ZNF284: variants seen among roughly 807,000 people sequenced by gnomAD.
ZNF284 encodes the protein zinc finger protein 284.
In ZNF284, 12 loss-of-function variants were observed where a neutral mutation model predicts 12.9. The observed-to-expected ratio is 0.93, with a 90% CI of 0.60 to 1.51. The LOEUF (loss-of-function observed/expected upper bound fraction) is 1.51, where lower values mean the gene tolerates loss of function less well. Ranked by LOEUF, ZNF284 falls within the 40% of genes most tolerant of loss-of-function variation. The pLI is 0.00. For synonymous variants in ZNF284, 225 were observed against 236.5 expected (o/e 0.95, Z 0.45); for missense variants, 667 against 707.3 (o/e 0.94, Z 0.65).
At position 44,087,745 on chromosome 19, in the gene ZNF284, C is replaced by T. The variant is rs908860866; in HGVS notation, c.*485C>T. On this transcript the variant is annotated 3_prime_UTR_variant, in exon 5 of 5. Transcript: ENST00000421176. ...TAGCAGGGATTACAGGCACGCACCA[C>T]CACGCCCAGCTAATTTTTGTACTTT... 6 of 149,392 alleles carry T rather than the reference C, an allele frequency of 4.0e-5. No homozygotes were observed. Among genetic ancestry groups the T allele is most frequent in the African/African-American group, 1.5e-4 (6 of 40,242 alleles). The allele number at this position is 149,392 out of a possible 1,614,324, so 9.3% of individuals were successfully genotyped here. A position where few individuals can be genotyped will look rare whatever the true frequency, so the allele number is the denominator to read the frequency against.
intron 2 of ZNF284, among the ~76,000 whole-genome samples, chr19:44,079,936 A>G (rs1011091105): frequency 6.6e-6 from 1 of 152,126 alleles, no homozygotes; most frequent in Non-Finnish European, 1.5e-5. Flanking sequence ...CTCAAAAAAA[A>G]GACAAAAAGG....
intron 1 of ZNF284, among the ~76,000 whole-genome samples, chr19:44,074,253 T>G (rs1966994531): frequency 6.6e-6 from 1 of 151,996 alleles, no homozygotes; most frequent in Non-Finnish European, 1.5e-5. Flanking sequence ...CTCGGGAGGC[T>G]GAGGCAGGAG....
chr19:44,085,988 A>C lies in ZNF284; in HGVS notation c.510A>C (p.Ser170=), dbSNP rs1369215630. Residue 170 remains serine (S), a synonymous_variant, in exon 5 of 5, where the codon TCA becomes TCC. Coordinates refer to ENST00000421176, the MANE Select transcript of ZNF284 (RefSeq NM_001037813.4). ...TTGATCTTCATCAACAATTACACTC[A>C]GGAAAGATATCCCATACATGTAATG... The part of the protein sequence containing the change: ...SILDLHQQLH[S]GKISHTCNEY... The C allele has an allele frequency of 1.2e-6, 2 of 1,614,162 alleles. No individual in the cohort carries two copies. Among genetic ancestry groups the C allele is most frequent in the Non-Finnish European group, 1.7e-6 (2 of 1,179,996 alleles).
At chr19:44,082,995 C>T (rs8110949) in intron 4 of ZNF284, among the ~76,000 whole-genome samples, 3,448 of 152,240 alleles carry the variant, frequency 0.023, 96 homozygotes, top group African/African-American at 0.07. Context: ...ATTGTTCTGT[C>T]TACTACAGAA....
chr19:44,081,187 G>C, intron 3 of ZNF284, 46 bp downstream of exon 3: 6 of 1,581,792 alleles, frequency 3.8e-6, no homozygotes, highest in Non-Finnish European at 5.2e-6. Context: ...CCCCAGGAAT[G>C]GCTTTGTATC....
In ZNF284 at chr19:44,087,078, A is replaced by G. The variant is rs371502470; in HGVS notation, c.1600A>G (p.Ser534Gly). The change falls in exon 5 of 5, where the codon AGC (serine) becomes GGC (glycine). Residue 534 changes from serine to glycine, a missense_variant. Transcript: ENST00000421176. ...STHLTHQRLHSREKLFQCEDC... is the reference protein window; with the variant it reads ...STHLTHQRLHGREKLFQCEDC... ...TCATCTAACCCATCAAAGACTCCAC[A>G]GCAGAGAAAAACTATTCCAATGTGA... 2 of 1,614,176 alleles carry G rather than the reference A, an allele frequency of 1.2e-6. No individual in the cohort carries two copies.
intron 1 of ZNF284, among the ~76,000 whole-genome samples, chr19:44,073,550 T>A (rs1966980558): frequency 6.6e-6 from 1 of 151,982 alleles, no homozygotes; most frequent in East Asian, 1.9e-4. Flanking sequence ...AGTGCATTTT[T>A]TTTTTTTTTT....
rs1457099390 is a variant in ZNF284, at chr19:44,089,513, G to A, written c.*2253G>A. ...TCCCCTGTAATGTCTCTGGTTAAATGAAAGGGTTTCAAATGTGAAGACAAC... is the reference window on the plus strand; with the variant it reads ...TCCCCTGTAATGTCTCTGGTTAAATAAAAGGGTTTCAAATGTGAAGACAAC... On this transcript the variant is annotated 3_prime_UTR_variant, in exon 5 of 5. Coordinates refer to ENST00000421176, the MANE Select transcript of ZNF284 (RefSeq NM_001037813.4). The A allele has an allele frequency of 6.6e-6, 1 of 152,204 alleles. No homozygotes were observed. Among genetic ancestry groups the A allele is most frequent in the Non-Finnish European group, 1.5e-5 (1 of 68,046 alleles). The allele number at this position is 152,204 out of a possible 1,614,324, so 9.4% of individuals were successfully genotyped here.
At chr19:44,076,220 T>G (rs2067968915) in intron 1 of ZNF284, 102 bp from the exon 2 acceptor site, 4 of 572,996 alleles carry the variant, frequency 7.0e-6, no homozygotes, top group Non-Finnish European at 6.1e-6. Context: ...CCTGTGAACA[T>G]TCAAGTGCTA....
chr19:44,085,724 C>T lies in ZNF284; in HGVS notation c.246C>T (p.Ile82=). Residue 82 remains isoleucine, a synonymous_variant, in exon 5 of 5, where the codon ATC becomes ATT. Transcript: ENST00000421176. ...TQREGNSGGK[I]QTELESVPET... is the part of the protein sequence containing the mutation. ...TCTGTGTCCTTATAGGAGGCAAGAT[C>T]CAAACTGAGTTGGAGTCTGTTCCAG... is the stretch of plus-strand genomic sequence containing the variant. The T allele has an allele frequency of 6.2e-7, 1 of 1,610,812 alleles. No homozygotes were observed. The highest frequency in any genetic ancestry group is 8.5e-7 in the Non-Finnish European group (1 of 1,178,298).
In ZNF284 at chr19:44,085,721, G is replaced by T; in HGVS notation, c.243G>T (p.Lys81Asn). The T allele has an allele frequency of 6.2e-7, 1 of 1,610,444 alleles. No homozygotes were observed. Among genetic ancestry groups the T allele is most frequent in the Non-Finnish European group, 8.5e-7 (1 of 1,178,064 alleles). ...ATQREGNSGG[K>N]IQTELESVPE... Reference sequence around the variant, plus strand: ...AATTCTGTGTCCTTATAGGAGGCAAGATCCAAACTGAGTTGGAGTCTGTTC... The same window carrying T: ...AATTCTGTGTCCTTATAGGAGGCAATATCCAAACTGAGTTGGAGTCTGTTC... The change falls in exon 5 of 5, where the codon AAG becomes AAT. Residue 81 changes from lysine (K) to asparagine (N), a missense_variant. Transcript: ENST00000421176.
Position 44,082,031 on chromosome 19 carries a change from G to C in ZNF284, c.161G>C (p.Arg54Pro), listed in dbSNP as rs1046462195. The part of the protein sequence containing the change: ...LLSVGHQLSH[R>P]DTFHFQREEK... ...TTCACAGGGCATCAACTTTCCCACC[G>C]AGATACTTTTCACTTCCAAAGAGAA... The change falls in exon 4 of 5, where the codon CGA becomes CCA. Residue 54 changes from arginine to proline, a missense_variant. Arg to Pro is a moderately radical substitution (Grantham distance 103). Transcript: ENST00000421176. 1 of 1,613,712 alleles carries C rather than the reference G, an allele frequency of 6.2e-7. No individual in the cohort carries two copies. The highest frequency in any genetic ancestry group is 8.5e-7 in the Non-Finnish European group (1 of 1,179,770).
chr19:44,086,563 A>G lies in ZNF284; in HGVS notation c.1085A>G (p.Gln362Arg). Residue 362 changes from glutamine (Q) to arginine (R), a missense_variant, in exon 5 of 5, where the codon CAG becomes CGG. Physicochemically the swap from Gln to Arg is conservative, Grantham distance 43. Coordinates refer to ENST00000421176, the MANE Select transcript of ZNF284 (RefSeq NM_001037813.4). ...FTCRQDLCKH[Q>R]MDHTGDKPYN... Reference sequence around the variant, plus strand: ...TGTAGGCAAGATCTTTGTAAGCATCAGATGGACCATACAGGAGACAAACCA... The same window carrying G: ...TGTAGGCAAGATCTTTGTAAGCATCGGATGGACCATACAGGAGACAAACCA... The G allele has an allele frequency of 1.2e-6, 2 of 1,614,212 alleles. No individual in the cohort carries two copies. The highest frequency in any genetic ancestry group is 1.7e-6 in the Non-Finnish European group (2 of 1,180,034).
At chr19:44,074,354 C>G (rs1267085547) in intron 1 of ZNF284, among the ~76,000 whole-genome samples, 1 of 149,894 alleles carries the variant, frequency 6.7e-6, no homozygotes, top group East Asian at 2.0e-4. Context: ...ACTGCATCCT[C>G]TGCCTCCCGG....
Position 44,087,095 on chromosome 19 carries a change from C to T in ZNF284, c.1617C>T (p.Phe539=). The T allele has an allele frequency of 1.2e-6, 2 of 1,614,076 alleles. No individual in the cohort carries two copies. The highest frequency in any genetic ancestry group is 1.7e-6 in the Non-Finnish European group (2 of 1,179,992). The change falls in exon 5 of 5, where the codon TTC becomes TTT. Residue 539 remains phenylalanine, a synonymous_variant. Coordinates refer to ENST00000421176, the MANE Select transcript of ZNF284 (RefSeq NM_001037813.4). ...HQRLHSREKL[F]QCEDCGKSSE... is the part of the protein sequence containing the mutation. ...GACTCCACAGCAGAGAAAAACTATT[C>T]CAATGTGAGGATTGTGGGAAGAGCA...
chr19:44,083,651 G>A lies in ZNF284; in HGVS notation c.235+1546G>A, dbSNP rs577623318. 4.5e-3 allele frequency among the ~76,000 whole-genome samples: 677 copies of A among 151,710 alleles called. 1 individual carries two copies. The highest frequency in any genetic ancestry group is 8.0e-3 in the Non-Finnish European group (545 of 67,870). ...GTTCAATTTTTATTTTAAGATTCAG[G>A]GGGTACATGTGCAGGTTTGTTACCT... On this transcript the variant is annotated intron_variant, in intron 4 of 4. Coordinates refer to ENST00000421176, the MANE Select transcript of ZNF284 (RefSeq NM_001037813.4).
At chr19:44,076,507 A>AT in intron 2 of ZNF284, 103 bp downstream of exon 2, 1 of 1,259,186 alleles carries the variant, frequency 7.9e-7, no homozygotes, top group South Asian at 1.4e-5. Context: ...AACAACAGTT[A>AT]TTTGTGCACC....
Position 44,074,162 on chromosome 19 carries a change from T to C in ZNF284, c.-69+1871T>C, listed in dbSNP as rs959548817. Among the ~76,000 whole-genome samples the C allele has an allele frequency of 2.6e-5, 4 of 152,150 alleles. No individual in the cohort carries two copies. The East Asian group carries it at 7.8e-4, about 30-fold the overall frequency. On this transcript the variant is annotated intron_variant, in intron 1 of 4. Transcript: ENST00000421176. ...TGAGGTCGGGAGTTTGAGACCAGCC[T>C]GACCATCATGGAGAAACTCCATCTC...
At chr19:44,085,011 C>T (rs931005709) in intron 4 of ZNF284, among the ~76,000 whole-genome samples, 2 of 152,158 alleles carry the variant, frequency 1.3e-5, no homozygotes, top group African/African-American at 4.8e-5. Flanking sequence ...ATGTAAACCA[C>T]TAGGGCTCTC....
Sources: allele counts gnomAD v4.1 joint callset (sites outside exome capture counted in the v4.1 genomes callset), GRCh38; gene constraint gnomAD v4.1.1; transcripts MANE v1.5; gene names NCBI Gene and HGNC (gene_info 2026-07-23, HGNC 2026-07-21).